The following SLC30A7 variants were observed in gnomAD, a reference collection of about 807,000 sequenced individuals.
SLC30A7 encodes zinc transporter 7.
A neutral mutation model predicts 46.0 loss-of-function variants in SLC30A7; 35 were observed. That is an observed-to-expected ratio of 0.76 (90% CI 0.58 to 1.01). SLC30A7 has a LOEUF of 1.01. SLC30A7 is among the 50% of genes least tolerant of loss of function. The pLI is 0.00. For synonymous variants in SLC30A7, 147 were observed against 157.8 expected (o/e 0.93, Z 0.51); for missense variants, 464 against 451.1 (o/e 1.03, Z -0.26).
chr1:100,927,287 G>A (rs1412429072), intron 8 of SLC30A7, among the ~76,000 whole-genome samples: 1 of 152,154 alleles, frequency 6.6e-6, no homozygotes, highest in African/African-American at 2.4e-5. Context: ...CAGGAGGCAG[G>A]TGCAACCAAG....
rs751133623 is a variant in SLC30A7 at position 100,896,567 on chromosome 1, C to T, written c.81-3C>T. On this transcript the variant is annotated splice_region_variant and splice_polypyrimidine_tract_variant and intron_variant, in intron 1 of 10. Coordinates refer to ENST00000357650, the MANE Select transcript of SLC30A7 (RefSeq NM_133496.5). ...GGCTCTTTTCCACGTGTATCATTCC[C>T]AGGTCTATACTGTCCGACAAGACTT... 2 of 1,613,356 alleles carry T rather than the reference C, an allele frequency of 1.2e-6. No individual in the cohort carries two copies. The highest frequency in any genetic ancestry group is 1.3e-5 in the African/African-American group (1 of 74,904).
intron 8 of SLC30A7, among the ~76,000 whole-genome samples, chr1:100,940,352 T>C (rs1654266303): frequency 6.6e-6 from 1 of 152,150 alleles, no homozygotes; most frequent in African/African-American, 2.4e-5. Flanking sequence ...AGCATGAGAA[T>C]ATTAAGGGGT....
chr1:100,905,235 T>C (rs1179506655), intron 2 of SLC30A7, among the ~76,000 whole-genome samples: 1 of 152,156 alleles, frequency 6.6e-6, no homozygotes, highest in East Asian at 1.9e-4. Flanking sequence ...TGTTGCTCCA[T>C]TGCATTCTGG....
chr1:100,993,559 A>AATATATATATATATATATATAAATAT, the SLC30A7 span, among the ~76,000 whole-genome samples: 2 of 56,536 alleles, frequency 3.5e-5, no homozygotes, highest in African/African-American at 1.2e-4. Context: ...CGAAAATATA[A>AATATATATATATATATATATAAATAT]ATATATATAT....
the SLC30A7 span, among the ~76,000 whole-genome samples, chr1:100,988,131 T>C: frequency 6.6e-6 from 1 of 152,206 alleles, no homozygotes; most frequent in Non-Finnish European, 1.5e-5. Flanking sequence ...GGAGAGATCA[T>C]ATGCAGACAG....
At chr1:100,982,715 AT>A (rs914992923), downstream of SLC30A7, among the ~76,000 whole-genome samples, 1 of 152,004 alleles carries the variant, frequency 6.6e-6, no homozygotes, top group African/African-American at 2.4e-5. Flanking sequence ...CACCCAAACA[AT>A]TTTGGCTTTG....
intron 8 of SLC30A7, among the ~76,000 whole-genome samples, chr1:100,946,648 G>A (rs1449426949): frequency 6.6e-6 from 1 of 152,178 alleles, no homozygotes; most frequent in East Asian, 1.9e-4. Flanking sequence ...CTTGATCATG[G>A]TGGATAAGCT....
intron 8 of SLC30A7, among the ~76,000 whole-genome samples, chr1:100,958,225 G>A (rs917116393): frequency 3.3e-5 from 5 of 151,922 alleles, no homozygotes; most frequent in East Asian, 1.9e-4. Flanking sequence ...CACCCAGGCT[G>A]GAGTGCAGTG....
intron 8 of SLC30A7, among the ~76,000 whole-genome samples, chr1:100,938,360 A>C (rs984209185): frequency 2.0e-5 from 3 of 152,192 alleles, no homozygotes; most frequent in Non-Finnish European, 2.9e-5. Context: ...AGCCTGTTGT[A>C]AACTACTATA....
chr1:100,980,470 C>T lies in SLC30A7; in HGVS notation c.*5613C>T, dbSNP rs1478799383. 1.3e-5 allele frequency: 2 copies of T among 152,058 alleles called. No homozygotes were observed. 9.4% of individuals were successfully genotyped at this position (152,058 alleles called of 1,614,324 possible). ...TAAAGAATATCTTTCTCTTCTGCAT[C>T]CTTTTATCCTCAAACTTAGCATGGA... On this transcript the variant is annotated 3_prime_UTR_variant, in exon 11 of 11. Coordinates refer to ENST00000357650, the MANE Select transcript of SLC30A7 (RefSeq NM_133496.5).
Position 100,975,212 on chromosome 1 carries a change from A to C in SLC30A7, c.*355A>C. 1.8e-5 allele frequency: 3 copies of C among 167,818 alleles called. No individual in the cohort carries two copies. Among genetic ancestry groups the C allele is most frequent in the Non-Finnish European group, 1.3e-5 (1 of 78,344 alleles). 10.4% of individuals were successfully genotyped at this position (167,818 alleles called of 1,614,324 possible). A position where few individuals can be genotyped will look rare whatever the true frequency, so the allele number is the denominator to read the frequency against. On this transcript the variant is annotated 3_prime_UTR_variant, in exon 11 of 11. Coordinates refer to ENST00000357650, the MANE Select transcript of SLC30A7 (RefSeq NM_133496.5). ...TGAATGCCCACACCACCATCCTCTC[A>C]TCCCAGCCAGTAAGAATTTCAGTTG...
intron 8 of SLC30A7, among the ~76,000 whole-genome samples, chr1:100,949,644 C>T (rs751889997): frequency 2.0e-5 from 3 of 152,180 alleles, no homozygotes; most frequent in Non-Finnish European, 1.5e-5. Flanking sequence ...GACAGTAGGC[C>T]TTACTGAGCT....
the SLC30A7 span, among the ~76,000 whole-genome samples, chr1:100,988,530 C>G: frequency 3.9e-5 from 6 of 152,180 alleles, no homozygotes; most frequent in South Asian, 2.1e-4. Flanking sequence ...GTACTTGGCT[C>G]TCTCCCCTTC....
At chr1:100,927,809 T>C (rs1045419815) in intron 8 of SLC30A7, among the ~76,000 whole-genome samples, 1 of 152,112 alleles carries the variant, frequency 6.6e-6, no homozygotes, top group Non-Finnish European at 1.5e-5. Flanking sequence ...AAAAAAGTGT[T>C]AGGTTCAGTG....
chr1:100,903,355 GTCTT>G (rs1651434520), intron 2 of SLC30A7, among the ~76,000 whole-genome samples: 1 of 152,110 alleles, frequency 6.6e-6, no homozygotes, highest in African/African-American at 2.4e-5. Context: ...CTTCACATGA[GTCTT>G]TCATACTTCA....
chr1:100,907,315 G>T (rs1377941655), intron 3 of SLC30A7, among the ~76,000 whole-genome samples: 1 of 151,718 alleles, frequency 6.6e-6, no homozygotes, highest in Non-Finnish European at 1.5e-5. Context: ...CTTTGCTGTT[G>T]ATTTATTTAA....
rs181789020 is a variant in SLC30A7 at position 100,948,850 on chromosome 1, C to T, written c.843-12978C>T. On this transcript the variant is annotated intron_variant, in intron 8 of 10. Transcript: ENST00000357650. ...AATTGGCTATTGAAGCTTGTGCATG[C>T]GTCATGAAGTTCTCATGCCATGGTT... is the stretch of plus-strand genomic sequence containing the variant. Among the ~76,000 whole-genome samples the T allele has an allele frequency of 8.5e-5, 13 of 152,286 alleles. No individual in the cohort carries two copies. The East Asian group carries it at 1.5e-3, about 18-fold the overall frequency.
At chr1:100,927,543 G>T (rs1422106646) in intron 8 of SLC30A7, among the ~76,000 whole-genome samples, 2 of 152,188 alleles carry the variant, frequency 1.3e-5, no homozygotes, top group Non-Finnish European at 2.9e-5. Context: ...CTGTAAAGGG[G>T]AGCAGTGTGA....
chr1:100,949,585 G>A (rs1654845910), intron 8 of SLC30A7, among the ~76,000 whole-genome samples: 1 of 152,216 alleles, frequency 6.6e-6, no homozygotes, highest in Admixed American at 6.5e-5. Context: ...AGAAGTTTCT[G>A]CTGCCTTTTG....
Sources: allele counts gnomAD v4.1 joint callset (sites outside exome capture counted in the v4.1 genomes callset), GRCh38; gene constraint gnomAD v4.1.1; transcripts MANE v1.5; gene names NCBI Gene and HGNC (gene_info 2026-07-23, HGNC 2026-07-21).